MGA: variants seen among roughly 807,000 people sequenced by gnomAD.
MGA encodes the protein MAX gene-associated protein.
A neutral mutation model predicts 261.1 loss-of-function variants in MGA; 40 were observed. The observed-to-expected ratio is 0.15, with a 90% CI of 0.12 to 0.20. The LOEUF is 0.20. MGA is among the 10% of genes least tolerant of loss of function. MGA has a pLI of 1.00. For synonymous variants in MGA, 1,302 were observed against 1,290.6 expected, an observed-to-expected ratio of 1.01 and a Z score of -0.19; for missense variants, 3,397 against 3,630.5, an observed-to-expected ratio of 0.94 and a Z score of 1.65.
rs749541141 is a variant in MGA, at chr15:41,749,492, A to G, written c.5885A>G (p.His1962Arg). 5 of 1,613,986 alleles carry G rather than the reference A, an allele frequency of 3.1e-6. No homozygotes were observed. Among genetic ancestry groups the G allele is most frequent in the Admixed American group, 1.7e-5 (1 of 60,008 alleles). Reference sequence around the variant, plus strand: ...CCTGTTCCTAGCTCCATTCTTCAGCATGTTGCTTCCCTTCAGATGAAGAGA... The same window carrying G: ...CCTGTTCCTAGCTCCATTCTTCAGCGTGTTGCTTCCCTTCAGATGAAGAGA... Residue 1962 changes from histidine (H) to arginine (R), a missense_variant, in exon 17 of 24, where the codon CAT (histidine) becomes CGT (arginine). Transcript: ENST00000219905.
intron 1 of MGA, among the ~76,000 whole-genome samples, chr15:41,645,680 G>A (rs2056922589): frequency 6.6e-6 from 1 of 152,222 alleles, no homozygotes; most frequent in Non-Finnish European, 1.5e-5. Context: ...AATTGCACAA[G>A]TAGATAGATT....
chr15:41,654,782 G>A lies in MGA; in HGVS notation c.-67-14046G>A, dbSNP rs530291758. Among the ~76,000 whole-genome samples, 4 of 152,224 alleles carry A rather than the reference G, an allele frequency of 2.6e-5. No individual in the cohort carries two copies. The South Asian group carries it at 8.3e-4, about 32-fold the overall frequency. ...TTCCACCTCCTCCTCCCAAAGTACT[G>A]GGATTACAGGCCCGAGCCACTGTGC... On this transcript the variant is annotated intron_variant, in intron 1 of 8. Transcript: ENST00000566718.
intron 5 of MGA, among the ~76,000 whole-genome samples, chr15:41,699,728 C>T (rs2059737850): frequency 6.6e-6 from 1 of 152,166 alleles, no homozygotes; most frequent in Admixed American, 6.5e-5. Context: ...TCTTGATCTC[C>T]TGACCTTGTG....
intron 2 of MGA, among the ~76,000 whole-genome samples, chr15:41,678,580 A>G (rs1445913232): frequency 6.6e-6 from 1 of 151,188 alleles, no homozygotes. Flanking sequence ...TGTGGCCAAC[A>G]TAGTGAAACC....
chr15:41,742,353 C>T (rs1463384321), intron 14 of MGA, among the ~76,000 whole-genome samples, 193 bp from the exon 15 acceptor site: 1 of 151,942 alleles, frequency 6.6e-6, no homozygotes, highest in Non-Finnish European at 1.5e-5. Context: ...CGCGCCATTG[C>T]ACTCTAGCCT....
Position 41,736,202 on chromosome 15 carries a change from G to A in MGA, c.3938G>A (p.Cys1313Tyr). The stretch of plus-strand genomic sequence containing the variant: ...TCAGAAAAGAGCTGGAAGTCTTCCT[G>A]CAATGAAGGAGAATCCTCTTCTACT... The change falls in exon 13 of 24, where the codon TGC becomes TAC. Residue 1313 changes from cysteine to tyrosine, a missense_variant. Cys to Tyr is a radical substitution (Grantham distance 194). Coordinates refer to ENST00000219905, the MANE Select transcript of MGA (RefSeq NM_001164273.2). 6.4e-7 allele frequency: 1 copy of A among 1,573,302 alleles called. No homozygotes were observed.
intron 2 of MGA, among the ~76,000 whole-genome samples, chr15:41,689,658 C>T (rs1272501003): frequency 6.6e-6 from 1 of 151,490 alleles, no homozygotes; most frequent in African/African-American, 2.4e-5. Context: ...CTCTGCCTAC[C>T]AGGTTCAGGT....
At chr15:41,702,556 T>A (rs1477357581) in intron 5 of MGA, among the ~76,000 whole-genome samples, 1 of 152,224 alleles carries the variant, frequency 6.6e-6, no homozygotes, top group African/African-American at 2.4e-5. Flanking sequence ...GCAGTTAAAC[T>A]TCTTCTGAGC....
At chr15:41,643,161 C>T (rs896558681) in intron 1 of MGA, among the ~76,000 whole-genome samples, 11 of 150,350 alleles carry the variant, frequency 7.3e-5, no homozygotes, top group African/African-American at 2.7e-4. Flanking sequence ...GCCTTGGCCT[C>T]TCAAAGTGCT....
At chr15:41,686,900 C>T (rs748384168) in intron 2 of MGA, among the ~76,000 whole-genome samples, 1 of 152,042 alleles carries the variant, frequency 6.6e-6, no homozygotes. Context: ...AGGATTTTTG[C>T]ACCAAATTCA....
chr15:41,666,526 T>A (rs1231647047), intron 1 of MGA, among the ~76,000 whole-genome samples: 2 of 152,206 alleles, frequency 1.3e-5, no homozygotes, highest in Non-Finnish European at 2.9e-5. Context: ...CCAAACCTTA[T>A]ATTATGCAGT....
rs1229016801 is a variant in MGA, at chr15:41,727,348, G to A, written c.3599G>A (p.Gly1200Asp). The change falls in exon 10 of 24, where the codon GGC becomes GAC. Residue 1200 changes from glycine to aspartate, a missense_variant. Transcript: ENST00000219905. ...GAAGTTTTATCTCCTACTGTGAAGG[G>A]CAAACTGCTCACTGGAATTAAATCT... is the stretch of plus-strand genomic sequence containing the variant. 6.2e-7 allele frequency: 1 copy of A among 1,613,896 alleles called. No homozygotes were observed.
At position 41,742,576 on chromosome 15, in the gene MGA, C is replaced by T; in HGVS notation, c.4616C>T (p.Thr1539Ile). The T allele has an allele frequency of 6.2e-7, 1 of 1,613,850 alleles. No individual in the cohort carries two copies. Among genetic ancestry groups the T allele is most frequent in the Non-Finnish European group, 8.5e-7 (1 of 1,179,850 alleles). Reference sequence around the variant, plus strand: ...CGACCCTCTCCTGGTGGTGTGTTCACACAGTTTGTGATGAGTAAAGTTGGA... The same window carrying T: ...CGACCCTCTCCTGGTGGTGTGTTCATACAGTTTGTGATGAGTAAAGTTGGA... Residue 1539 changes from threonine (T) to isoleucine (I), a missense_variant, in exon 15 of 24, where the codon ACA (threonine) becomes ATA (isoleucine). Around this residue, in one of 9 missense-constraint regions of MGA, gnomAD observed 1,410 missense variants for 1,386.4 expected, o/e 1.02. Transcript: ENST00000219905.
chr15:41,656,352 CT>C (rs2057184057), upstream of MGA, among the ~76,000 whole-genome samples: 1 of 103,838 alleles, frequency 9.6e-6, no homozygotes, highest in African/African-American at 2.8e-5. Context: ...TCTTCTCTCT[CT>C]CTCTCTCTCT....
chr15:41,729,396 T>C (rs777734858), intron 11 of MGA, 47 bp downstream of exon 11: 2 of 1,536,094 alleles, frequency 1.3e-6, no homozygotes, highest in Non-Finnish European at 1.8e-6. Context: ...GATTACCTGT[T>C]TTTGGTATTA....
At chr15:41,680,184 A>G (rs908835147) in intron 2 of MGA, among the ~76,000 whole-genome samples, 2 of 152,088 alleles carry the variant, frequency 1.3e-5, no homozygotes, top group Non-Finnish European at 2.9e-5. Flanking sequence ...CTAACTAGTC[A>G]TTGTTGGTTC....
chr15:41,743,261 G>A, intron 15 of MGA, 89 bp downstream of exon 15: 2 of 1,386,728 alleles, frequency 1.4e-6, no homozygotes, highest in South Asian at 1.5e-5. Context: ...GATATATCAG[G>A]ATAACAGTAT....
At chr15:41,728,657 G>T (rs2061364703) in intron 10 of MGA, among the ~76,000 whole-genome samples, 1 of 152,170 alleles carries the variant, frequency 6.6e-6, no homozygotes, top group Non-Finnish European at 1.5e-5. Context: ...GGAGGAACAG[G>T]AAGAGTTGAT....
chr15:41,644,633 A>G (rs1347431576), intron 1 of MGA, among the ~76,000 whole-genome samples: 1 of 152,066 alleles, frequency 6.6e-6, no homozygotes, highest in Non-Finnish European at 1.5e-5. Context: ...CCCTCCAGCC[A>G]GCCTGGGTGG....
Sources: gnomAD v4.1 joint callset for allele counts (sites outside exome capture counted in the v4.1 genomes callset) on GRCh38, gnomAD v4.1.1 for gene constraint, gnomAD v4.1.1 regional missense constraint, MANE v1.5 for transcripts, NCBI Gene and HGNC (gene_info 2026-07-23, HGNC 2026-07-21) for gene names.